The following FGF12 variants were observed in gnomAD, a reference collection of about 807,000 sequenced individuals.
FGF12 encodes fibroblast growth factor 12.
FGF12 carries 14 observed loss-of-function variants against 23.6 expected under a neutral mutation model. The observed-to-expected ratio is 0.59, with a 90% CI of 0.39 to 0.93. FGF12 has a LOEUF of 0.93. Ranked by LOEUF, FGF12 falls within the 40% of genes least tolerant of loss-of-function variation. FGF12 has a pLI of 0.00. For missense variants in FGF12, 175 were observed against 217.8 expected (o/e 0.80, Z 1.24); for synonymous variants, 62 against 77.3 (o/e 0.80, Z 1.04).
At chr3:192,299,082 C>G (rs1715200786) in intron 4 of FGF12, among the ~76,000 whole-genome samples, 2 of 152,172 alleles carry the variant, frequency 1.3e-5, no homozygotes, top group Non-Finnish European at 2.9e-5. Flanking sequence ...ATTTCAACAC[C>G]TGATTTGAAG....
chr3:192,174,834 A>G (rs146345361), intron 4 of FGF12, among the ~76,000 whole-genome samples: 2 of 152,114 alleles, frequency 1.3e-5, no homozygotes, highest in East Asian at 1.9e-4. Context: ...TAAATTTCAC[A>G]TTTTCAACTG....
intron 2 of FGF12, among the ~76,000 whole-genome samples, chr3:192,716,632 C>T (rs2108743587): frequency 6.6e-6 from 1 of 152,252 alleles, no homozygotes; most frequent in Non-Finnish European, 1.5e-5. Context: ...CATACAGAAG[C>T]AGAGGAAGTA....
In FGF12 at chr3:192,568,014, A is replaced by G. The variant is rs139341255; in HGVS notation, c.13+159167T>C. Among the ~76,000 whole-genome samples the G allele has an allele frequency of 6.3e-3, 953 of 151,616 alleles. 7 individuals are homozygous for G. Among genetic ancestry groups the G allele is most frequent in the African/African-American group, 0.022 (900 of 41,324 alleles). On this transcript the variant is annotated intron_variant, in intron 2 of 5. Coordinates refer to ENST00000445105, the MANE Select transcript of FGF12 (RefSeq NM_004113.6). ...TGCCTGGCTAATTTTTGTATATTTA[A>G]TAGAGATGGGGTTTCACCATGTTGG...
In FGF12 at chr3:192,360,418, T is replaced by C; in HGVS notation, c.124+10A>G. ...TTGTAATCAGATTGTAAGAAGCTAA[T>C]GTTTCTTACTGTAGTCGCTGTTTTC... is the stretch of plus-strand genomic sequence containing the variant. On this transcript the variant is annotated intron_variant, in intron 3 of 5. Coordinates refer to ENST00000445105, the MANE Select transcript of FGF12 (RefSeq NM_004113.6). This position sits in a 1 kb window ranked among gnomAD's most constrained non-coding sequence, Gnocchi z 4.3. The C allele has an allele frequency of 6.5e-7, 1 of 1,539,522 alleles. No homozygotes were observed. Among genetic ancestry groups the C allele is most frequent in the Non-Finnish European group, 9.0e-7 (1 of 1,112,174 alleles).
chr3:192,496,497 A>C (rs1723961904), intron 2 of FGF12, among the ~76,000 whole-genome samples: 1 of 152,144 alleles, frequency 6.6e-6, no homozygotes, highest in Non-Finnish European at 1.5e-5. Context: ...AATCTATCTC[A>C]TCAGCATATA....
At chr3:192,149,067 T>TA (rs1713890725) in intron 5 of FGF12, among the ~76,000 whole-genome samples, 1 of 152,206 alleles carries the variant, frequency 6.6e-6, no homozygotes, top group South Asian at 2.1e-4. Flanking sequence ...GAACATCATA[T>TA]ATATCAGGCT....
chr3:192,232,049 C>T (rs1283789276), intron 4 of FGF12, among the ~76,000 whole-genome samples: 3 of 152,136 alleles, frequency 2.0e-5, no homozygotes, highest in Non-Finnish European at 4.4e-5. Flanking sequence ...CTGACAAGTG[C>T]TCCATAATCC....
rs190986913 is a variant in FGF12, at chr3:192,212,556, G to T, written c.229-41900C>A. 1.2e-3 allele frequency among the ~76,000 whole-genome samples: 188 copies of T among 152,282 alleles called. 1 individual carries two copies. The highest frequency in any genetic ancestry group is 4.1e-3 in the African/African-American group (171 of 41,550). ...CTATACTCCACTGTGTGAAAATGCA[G>T]TAAACTGGGCTAATAACTTATAGCA... On this transcript the variant is annotated intron_variant, in intron 4 of 5. Transcript: ENST00000445105.
chr3:192,602,541 G>A (rs547222612), intron 2 of FGF12, among the ~76,000 whole-genome samples: 2 of 152,190 alleles, frequency 1.3e-5, no homozygotes, highest in East Asian at 3.9e-4. Context: ...ACGCTGATAA[G>A]AAGTGTCCAC....
intron 2 of FGF12, among the ~76,000 whole-genome samples, chr3:192,447,952 C>T (rs547777978): frequency 2.6e-5 from 4 of 152,308 alleles, no homozygotes; most frequent in South Asian, 4.1e-4. Flanking sequence ...AAATTCGTTT[C>T]GCCAGTTTCT....
At chr3:192,147,707 TG>T (rs1560166738) in intron 5 of FGF12, among the ~76,000 whole-genome samples, 2 of 151,814 alleles carry the variant, frequency 1.3e-5, no homozygotes, top group Non-Finnish European at 2.9e-5. Context: ...AGTCAGAGAG[TG>T]AGTAGTGGCA....
intron 4 of FGF12, among the ~76,000 whole-genome samples, chr3:192,172,418 C>T (rs1715620329): frequency 6.7e-6 from 1 of 149,870 alleles, no homozygotes; most frequent in East Asian, 1.9e-4. Context: ...TCCAAGAAAA[C>T]ACCCCCCAAA....
At chr3:192,576,744 GA>G (rs1225899259) in intron 2 of FGF12, among the ~76,000 whole-genome samples, 2 of 152,118 alleles carry the variant, frequency 1.3e-5, no homozygotes, top group Admixed American at 6.5e-5. Flanking sequence ...GGGGAGGGCA[GA>G]AAAATAAATC....
intron 2 of FGF12, among the ~76,000 whole-genome samples, chr3:192,509,767 C>A (rs950543780): frequency 1.3e-5 from 2 of 152,112 alleles, no homozygotes; most frequent in Admixed American, 6.6e-5. Context: ...CAAAAGACTA[C>A]AAACAGAAAT....
chr3:192,236,381 A>G (rs942383626), intron 4 of FGF12, among the ~76,000 whole-genome samples: 2 of 152,164 alleles, frequency 1.3e-5, no homozygotes, highest in Non-Finnish European at 2.9e-5. Context: ...ATTCCATTTG[A>G]TAAGTGTGGA....
intron 4 of FGF12, among the ~76,000 whole-genome samples, chr3:192,228,166 A>G (rs2108580738): frequency 6.6e-6 from 1 of 152,306 alleles, no homozygotes; most frequent in African/African-American, 2.4e-5. Context: ...CCAAAAAAAA[A>G]AGTATATGGG....
intron 4 of FGF12, among the ~76,000 whole-genome samples, chr3:192,268,944 T>C (rs1381849860): frequency 6.6e-6 from 1 of 152,166 alleles, no homozygotes; most frequent in Non-Finnish European, 1.5e-5. Context: ...ATGGAGTCTC[T>C]CACTCTGTCA....
chr3:192,635,460 T>A lies in FGF12; in HGVS notation c.13+91721A>T, dbSNP rs141150935. ...ATATCACAGAGAATTACTGTTTAAC[T>A]TAAGTACAACCTGGTAAAGCTTTGT... On this transcript the variant is annotated intron_variant, in intron 2 of 5. Coordinates refer to ENST00000445105, the MANE Select transcript of FGF12 (RefSeq NM_004113.6). Among the ~76,000 whole-genome samples the A allele has an allele frequency of 2.1e-3, 327 of 152,372 alleles. 4 individuals are homozygous for A. Among genetic ancestry groups the A allele is most frequent in the African/African-American group, 7.6e-3 (317 of 41,598 alleles).
chr3:192,688,837 C>A (rs749654155), intron 2 of FGF12, among the ~76,000 whole-genome samples: 1 of 152,064 alleles, frequency 6.6e-6, no homozygotes, highest in Non-Finnish European at 1.5e-5. Context: ...TGGAATCAAC[C>A]TAAAAATTCA....
Sources: gnomAD v4.1 joint callset for allele counts (sites outside exome capture counted in the v4.1 genomes callset) on GRCh38, gnomAD v4.1.1 for gene constraint, Gnocchi (gnomAD v3.1) non-coding constraint, MANE v1.5 for transcripts, NCBI Gene and HGNC (gene_info 2026-07-23, HGNC 2026-07-21) for gene names.